SNX14: variants seen among roughly 807,000 people sequenced by gnomAD.
The protein encoded by SNX14 is sorting nexin 14.
Under a neutral mutation model 133.8 loss-of-function variants are expected in SNX14, and 93 were observed. The ratio of observed to expected loss-of-function variants is 0.70; its 90% CI spans 0.59 to 0.83. SNX14 has a LOEUF of 0.83. SNX14 is among the 40% of genes least tolerant of loss of function. The pLI is 0.00. For missense variants in SNX14, 945 were observed against 1,094.9 expected, an observed-to-expected ratio of 0.86 and a Z score of 1.93; for synonymous variants, 368 against 365.6, an observed-to-expected ratio of 1.01 and a Z score of -0.07.
chr6:85,536,877 C>T lies in SNX14; in HGVS notation c.1523G>A (p.Ser508Asn). Residue 508 changes from serine (S) to asparagine (N), a missense_variant, in exon 17 of 29, where the codon AGC becomes AAC. Ser to Asn is a conservative substitution (Grantham distance 46). Around this residue, in one of 3 missense-constraint regions of SNX14, gnomAD observed 412 missense variants for 516.6 expected, o/e 0.80. Coordinates refer to ENST00000314673, the MANE Select transcript of SNX14 (RefSeq NM_153816.6). ...GESFGISRIG[S>N]KIKGVFKSTT... Reference sequence around the variant, plus strand: ...ACTTTTGAATACTCCTTTAATTTTGCTACCTATTCTGCTGATTCCAAATGA... The same window carrying T: ...ACTTTTGAATACTCCTTTAATTTTGTTACCTATTCTGCTGATTCCAAATGA... 1.2e-6 allele frequency: 2 copies of T among 1,613,244 alleles called. No homozygotes were observed. Among genetic ancestry groups the T allele is most frequent in the Middle Eastern group, 1.7e-4 (1 of 6,056 alleles).
At chr6:85,564,543 C>T (rs1285245676) in intron 6 of SNX14, among the ~76,000 whole-genome samples, 2 of 152,098 alleles carry the variant, frequency 1.3e-5, no homozygotes, top group African/African-American at 4.8e-5. Flanking sequence ...TTTTCTATAG[C>T]TGTCTTTTCA....
intron 21 of SNX14, among the ~76,000 whole-genome samples, chr6:85,522,563 C>T (rs878949138): frequency 1.3e-5 from 2 of 152,074 alleles, no homozygotes; most frequent in Admixed American, 1.3e-4. Flanking sequence ...TAAAAGTTTA[C>T]AATTTTCTCT....
Position 85,513,876 on chromosome 6 carries a change from G to A in SNX14, c.2577C>T (p.Asn859=). 1 of 1,612,266 alleles carries A rather than the reference G, an allele frequency of 6.2e-7. No homozygotes were observed. The highest frequency in any genetic ancestry group is 8.5e-7 in the Non-Finnish European group (1 of 1,179,544). The change falls in exon 26 of 29, where the codon AAC becomes AAT. Residue 859 remains asparagine, a synonymous_variant. Coordinates refer to ENST00000314673, the MANE Select transcript of SNX14 (RefSeq NM_153816.6). ...TATCTTGGAGAGAGCGAGGTTCAGT[G>A]TTTTCACAGAATATAGCATCTAAAA... The part of the protein sequence containing the change: ...TLLRDAIFCE[N]TEPRSLQDKQ...
chr6:85,544,514 A>C (rs1043596829), intron 12 of SNX14, among the ~76,000 whole-genome samples: 1 of 152,218 alleles, frequency 6.6e-6, no homozygotes. Context: ...AAAATTGATT[A>C]AAGGTCAGGT....
intron 21 of SNX14, among the ~76,000 whole-genome samples, chr6:85,525,598 GT>G (rs1778264109): frequency 6.6e-6 from 1 of 152,028 alleles, no homozygotes; most frequent in Non-Finnish European, 1.5e-5. Context: ...TTTATACAAA[GT>G]TTACTTACCT....
chr6:85,593,858 G>A lies in SNX14; in HGVS notation c.-140C>T, dbSNP rs1487064950. On this transcript the variant is annotated 5_prime_UTR_variant, in exon 1 of 29. Coordinates refer to ENST00000314673, the MANE Select transcript of SNX14 (RefSeq NM_153816.6). The stretch of plus-strand genomic sequence containing the variant: ...CCGGCAGTTAGCCGCCGCAGGCTGA[G>A]GTCGCGTCCGGCTGGGCCCAGCCCC... The A allele has an allele frequency of 3.4e-6, 5 of 1,476,558 alleles. No individual in the cohort carries two copies. The highest frequency in any genetic ancestry group is 2.6e-5 in the East Asian group (1 of 38,274). The allele number at this position is 1,476,558 out of a possible 1,614,324, so 91.5% of individuals were successfully genotyped here.
At chr6:85,580,255 C>T (rs946360209) in intron 1 of SNX14, among the ~76,000 whole-genome samples, 6 of 152,046 alleles carry the variant, frequency 3.9e-5, no homozygotes, top group Non-Finnish European at 8.8e-5. Flanking sequence ...AGGAAACCCA[C>T]TGCCTTTAAA....
chr6:85,515,565 C>T (rs930315174), intron 23 of SNX14, among the ~76,000 whole-genome samples: 6 of 151,970 alleles, frequency 3.9e-5, no homozygotes, highest in Non-Finnish European at 7.4e-5. Context: ...AAAGTATATT[C>T]GATTTTACCT....
At chr6:85,540,469 G>A (rs1412727161) in intron 15 of SNX14, among the ~76,000 whole-genome samples, 2 of 152,152 alleles carry the variant, frequency 1.3e-5, no homozygotes, top group African/African-American at 2.4e-5. Context: ...AAGGCATGTG[G>A]CCTGGGCAAA....
At chr6:85,541,360 T>C (rs1053833713) in intron 15 of SNX14, among the ~76,000 whole-genome samples, 1 of 152,184 alleles carries the variant, frequency 6.6e-6, no homozygotes, top group Non-Finnish European at 1.5e-5. Flanking sequence ...TTAAAACATA[T>C]ATTTATTCAT....
chr6:85,572,128 A>T lies in SNX14; in HGVS notation c.417+9T>A. 2 of 1,602,364 alleles carry T rather than the reference A, an allele frequency of 1.2e-6. No homozygotes were observed. The highest frequency in any genetic ancestry group is 2.7e-5 in the African/African-American group (2 of 74,368). Reference sequence around the variant, plus strand: ...ATTTTCTGTTAATAATATTAATTAAATCAGTTACCTCTGAGAGAGATGCAT... The same window carrying T: ...ATTTTCTGTTAATAATATTAATTAATTCAGTTACCTCTGAGAGAGATGCAT... On this transcript the variant is annotated intron_variant, in intron 4 of 28. Transcript: ENST00000314673.
intron 17 of SNX14, 83 bp from the exon 18 acceptor site, chr6:85,533,883 T>C (rs1781020792): frequency 2.9e-6 from 3 of 1,028,796 alleles, no homozygotes; most frequent in Non-Finnish European, 4.3e-6. Context: ...TAAAGTAATA[T>C]GCCCATATCA....
At chr6:85,535,786 G>A (rs922737593) in intron 17 of SNX14, among the ~76,000 whole-genome samples, 1 of 152,042 alleles carries the variant, frequency 6.6e-6, no homozygotes, top group Non-Finnish European at 1.5e-5. Flanking sequence ...AAAGGAAGGG[G>A]TAAAGAAAAG....
At chr6:85,546,919 C>T (rs1399482617) in intron 12 of SNX14, among the ~76,000 whole-genome samples, 193 bp downstream of exon 12, 1 of 149,658 alleles carries the variant, frequency 6.7e-6, no homozygotes, top group African/African-American at 2.5e-5. Flanking sequence ...CAAGATCACA[C>T]CATTGCACTC....
chr6:85,571,482 CTAAT>C (rs1212357801), intron 4 of SNX14, among the ~76,000 whole-genome samples: 1 of 151,982 alleles, frequency 6.6e-6, no homozygotes, highest in Non-Finnish European at 1.5e-5. Flanking sequence ...TATTCTTCAA[CTAAT>C]TAACATCCAA....
At chr6:85,576,993 C>T (rs1465826363) in intron 1 of SNX14, among the ~76,000 whole-genome samples, 2 of 152,164 alleles carry the variant, frequency 1.3e-5, no homozygotes, top group African/African-American at 4.8e-5. Context: ...AGTTAGAAAA[C>T]TGTTGCAGTA....
intron 18 of SNX14, 90 bp from the exon 19 acceptor site, chr6:85,530,365 C>G (rs1779835297): frequency 5.9e-6 from 5 of 854,464 alleles, no homozygotes; most frequent in Non-Finnish European, 8.8e-6. Context: ...ACAAAGCTGG[C>G]TAGACACGGT....
chr6:85,574,544 A>G (rs902784071), intron 1 of SNX14, among the ~76,000 whole-genome samples, 166 bp from the exon 2 acceptor site: 2 of 152,220 alleles, frequency 1.3e-5, no homozygotes, highest in African/African-American at 4.8e-5. Flanking sequence ...AAGAATCATA[A>G]GATGTATGCT....
At chr6:85,537,248 T>C (rs1369309151) in intron 16 of SNX14, among the ~76,000 whole-genome samples, 1 of 152,164 alleles carries the variant, frequency 6.6e-6, no homozygotes, top group Non-Finnish European at 1.5e-5. Context: ...TAGTGGAATA[T>C]AGTTCTTATT....
Sources: gnomAD v4.1 joint callset for allele counts (sites outside exome capture counted in the v4.1 genomes callset) on GRCh38, gnomAD v4.1.1 for gene constraint, gnomAD v4.1.1 regional missense constraint, MANE v1.5 for transcripts, NCBI Gene and HGNC (gene_info 2026-07-23, HGNC 2026-07-21) for gene names.